Variants in LRP1B observed in about 807,000 individuals in gnomAD.
The protein encoded by LRP1B is LDL receptor related protein 1B, also known as low-density lipoprotein receptor-related protein 1B.
LRP1B carries 217 observed loss-of-function variants against 556.6 expected under a neutral mutation model. That is an observed-to-expected ratio of 0.39 (90% CI 0.35 to 0.44). The LOEUF (loss-of-function observed/expected upper bound fraction) is 0.44. Ranked by LOEUF, LRP1B falls within the 20% of genes least tolerant of loss-of-function variation. LRP1B has a pLI of 1.00. For missense variants in LRP1B, 5,053 were observed against 5,620.8 expected (o/e 0.90, Z 3.23); for synonymous variants, 2,047 against 1,865.8 (o/e 1.10, Z -2.50).
At chr2:140,350,715 GATATT>G (rs1681917929) in intron 77 of LRP1B, 77 bp downstream of exon 77, 5 of 1,151,870 alleles carry the variant, frequency 4.3e-6, no homozygotes, top group Non-Finnish European at 4.9e-6. Context: ...AGTATAATTA[GATATT>G]ATATTAGATA....
At chr2:141,629,218 A>G (rs1688817332) in intron 2 of LRP1B, among the ~76,000 whole-genome samples, 1 of 152,156 alleles carries the variant, frequency 6.6e-6, no homozygotes, top group Admixed American at 6.5e-5. Flanking sequence ...TCCACTTACT[A>G]TAGTAGTCAT....
chr2:142,070,204 T>C (rs1296787040), intron 1 of LRP1B, among the ~76,000 whole-genome samples: 2 of 151,728 alleles, frequency 1.3e-5, no homozygotes, highest in South Asian at 2.1e-4. Flanking sequence ...AAGGGCAAAA[T>C]TGATTTTCTT....
rs553007596 is a variant in LRP1B, at chr2:140,700,226, T to G, written c.6799+24A>C. On this transcript the variant is annotated intron_variant, in intron 41 of 90. Transcript: ENST00000389484. ...CTAAATGATACTCATTTCCACCTAT[T>G]TAAAATTGAATTACTGTACTTACTT... The G allele has an allele frequency of 2.8e-5, 44 of 1,585,278 alleles. No homozygotes were observed. The East Asian group carries it at 9.2e-4, about 33-fold the overall frequency.
At chr2:142,030,053 T>C (rs1311230217) in intron 1 of LRP1B, among the ~76,000 whole-genome samples, 12 of 150,652 alleles carry the variant, frequency 8.0e-5, no homozygotes, top group Admixed American at 8.0e-4. Context: ...AAAAAAACTC[T>C]GCAAGTTGCT....
At chr2:142,008,683 C>T (rs138062069) in intron 1 of LRP1B, among the ~76,000 whole-genome samples, 2 of 152,012 alleles carry the variant, frequency 1.3e-5, no homozygotes, top group African/African-American at 2.4e-5. Context: ...GACTTGATTA[C>T]TGCATGATTT....
At chr2:141,361,726 A>G (rs556644958) in intron 3 of LRP1B, among the ~76,000 whole-genome samples, 1 of 152,302 alleles carries the variant, frequency 6.6e-6, no homozygotes, top group East Asian at 1.9e-4. Context: ...CCTGCAATGT[A>G]AATAATGTGA....
At chr2:140,836,452 A>G (rs1205675747) in intron 31 of LRP1B, among the ~76,000 whole-genome samples, 1 of 152,186 alleles carries the variant, frequency 6.6e-6, no homozygotes, top group Non-Finnish European at 1.5e-5. Context: ...GAAAATTGCT[A>G]TACATTGTCC....
At chr2:141,366,297 T>C (rs1245955542) in intron 3 of LRP1B, among the ~76,000 whole-genome samples, 1 of 152,228 alleles carries the variant, frequency 6.6e-6, no homozygotes, top group Non-Finnish European at 1.5e-5. Context: ...GTGGGAGGTA[T>C]ATGACTTATA....
chr2:140,873,377 A>C (rs1693202082), intron 25 of LRP1B, among the ~76,000 whole-genome samples: 2 of 152,132 alleles, frequency 1.3e-5, no homozygotes, highest in African/African-American at 4.8e-5. Flanking sequence ...GGCTTTAGGC[A>C]GTCTAGTCCA....
intron 41 of LRP1B, among the ~76,000 whole-genome samples, chr2:140,676,905 A>C (rs1685689366): frequency 6.6e-6 from 1 of 152,256 alleles, no homozygotes; most frequent in African/African-American, 2.4e-5. Flanking sequence ...GAGATACAGC[A>C]AACAACATTC....
intron 9 of LRP1B, among the ~76,000 whole-genome samples, chr2:141,058,662 C>T (rs2105461963): frequency 6.6e-6 from 1 of 151,976 alleles, no homozygotes; most frequent in Middle Eastern, 3.4e-3. Context: ...ATCTAGCTAT[C>T]ATTTCAATTC....
intron 15 of LRP1B, among the ~76,000 whole-genome samples, chr2:140,998,368 T>G (rs1457477393): frequency 6.6e-6 from 1 of 152,116 alleles, no homozygotes; most frequent in Non-Finnish European, 1.5e-5. Context: ...AGTGACTCAC[T>G]GTCTTTGGAA....
At chr2:140,676,382 T>C (rs1685672048) in intron 41 of LRP1B, among the ~76,000 whole-genome samples, 1 of 152,188 alleles carries the variant, frequency 6.6e-6, no homozygotes, top group Admixed American at 6.5e-5. Context: ...TCTTGGATAA[T>C]CCCGCTGTTA....
intron 4 of LRP1B, among the ~76,000 whole-genome samples, chr2:141,251,637 G>A (rs1200566048): frequency 1.3e-5 from 2 of 152,052 alleles, no homozygotes; most frequent in Admixed American, 1.3e-4. Flanking sequence ...AAAAGTTTGG[G>A]TGAGTGGGAC....
intron 66 of LRP1B, among the ~76,000 whole-genome samples, chr2:140,419,482 A>G (rs1367424266): frequency 6.6e-6 from 1 of 152,204 alleles, no homozygotes; most frequent in African/African-American, 2.4e-5. Context: ...AGAACAGTCC[A>G]CCCAAGAACA....
intron 35 of LRP1B, among the ~76,000 whole-genome samples, chr2:140,756,776 T>C (rs917363101): frequency 6.6e-6 from 1 of 152,124 alleles, no homozygotes; most frequent in African/African-American, 2.4e-5. Context: ...TTCTTAGATA[T>C]GATACAAAAA....
chr2:141,933,127 A>G (rs1175776506), intron 1 of LRP1B, among the ~76,000 whole-genome samples: 1 of 152,084 alleles, frequency 6.6e-6, no homozygotes, highest in Non-Finnish European at 1.5e-5. Context: ...TAAATAATCT[A>G]CAGGTTACCT....
chr2:140,881,595 T>C (rs1693477214), intron 25 of LRP1B, among the ~76,000 whole-genome samples: 1 of 152,036 alleles, frequency 6.6e-6, no homozygotes, highest in African/African-American at 2.4e-5. Context: ...CAAACTCTAG[T>C]CATTTATTCT....
At chr2:142,098,751 A>C (rs763215692) in intron 1 of LRP1B, among the ~76,000 whole-genome samples, 1 of 151,844 alleles carries the variant, frequency 6.6e-6, no homozygotes, top group East Asian at 1.9e-4. Flanking sequence ...ATGTAAATTC[A>C]ATCTTAAACT....
Sources: gnomAD v4.1 joint callset for allele counts (sites outside exome capture counted in the v4.1 genomes callset) on GRCh38, gnomAD v4.1.1 for gene constraint, MANE v1.5 for transcripts, NCBI Gene and HGNC (gene_info 2026-07-23, HGNC 2026-07-21) for gene names.